LPP: variants seen among roughly 807,000 people sequenced by gnomAD.
LPP encodes lipoma-preferred partner.
LPP carries 38 observed loss-of-function variants against 60.4 expected under a neutral mutation model. The ratio of observed to expected loss-of-function variants is 0.63; its 90% CI spans 0.49 to 0.83. The LOEUF (loss-of-function observed/expected upper bound fraction) is 0.83. LPP is among the 40% of genes least tolerant of loss of function. The pLI is 0.00. For synonymous variants in LPP, 328 were observed against 290.8 expected (o/e 1.13, Z -1.30); for missense variants, 902 against 783.6 (o/e 1.15, Z -1.80).
chr3:188,218,461 C>G (rs1471689216), intron 1 of LPP, among the ~76,000 whole-genome samples: 1 of 152,126 alleles, frequency 6.6e-6, no homozygotes, highest in Non-Finnish European at 1.5e-5. Flanking sequence ...CAGCCTAAGC[C>G]CAGAGATGCT....
chr3:188,401,419 C>T (rs1043121466), intron 3 of LPP, among the ~76,000 whole-genome samples: 5 of 152,156 alleles, frequency 3.3e-5, no homozygotes, highest in African/African-American at 9.7e-5. Flanking sequence ...CCTGGTTACT[C>T]CAGTTTTCTT....
intron 3 of LPP, among the ~76,000 whole-genome samples, chr3:188,384,330 A>ATGTGTGTGTG (rs61561622): frequency 0.045 from 6,646 of 148,804 alleles, 237 homozygotes; most frequent in African/African-American, 0.1. Context: ...ATGTATGTGC[A>ATGTGTGTGTG]TGTGTGTGTG....
chr3:188,545,166 A>G (rs1042206765), intron 6 of LPP, among the ~76,000 whole-genome samples: 2 of 125,162 alleles, frequency 1.6e-5, no homozygotes, highest in African/African-American at 3.1e-5. Flanking sequence ...ATGACACGTT[A>G]GTGGGTGCAG....
intron 1 of LPP, among the ~76,000 whole-genome samples, chr3:188,224,667 A>G (rs1717068623): frequency 6.6e-6 from 1 of 152,126 alleles, no homozygotes; most frequent in African/African-American, 2.4e-5. Flanking sequence ...TCATGGCTGA[A>G]GGCAAAGGAG....
intron 7 of LPP, among the ~76,000 whole-genome samples, chr3:188,700,364 G>A (rs1020096746): frequency 1.3e-5 from 2 of 152,116 alleles, no homozygotes; most frequent in Non-Finnish European, 2.9e-5. Context: ...GGAACTCAGG[G>A]GGCTGACATT....
At chr3:188,251,061 CTCTG>C (rs1324710687) in intron 2 of LPP, among the ~76,000 whole-genome samples, 7 of 130,118 alleles carry the variant, frequency 5.4e-5, no homozygotes, top group Admixed American at 1.6e-4. Context: ...CTTTCTCTCT[CTCTG>C]TCTTTTTCTT....
intron 9 of LPP, among the ~76,000 whole-genome samples, chr3:188,855,187 T>C (rs1049181032): frequency 3.9e-5 from 6 of 152,228 alleles, no homozygotes; most frequent in African/African-American, 1.4e-4. Flanking sequence ...CTATTTTTTC[T>C]TTAAAAGATA....
intron 4 of LPP, among the ~76,000 whole-genome samples, chr3:188,446,130 A>G (rs553808569): frequency 1.3e-5 from 2 of 152,308 alleles, no homozygotes; most frequent in African/African-American, 4.8e-5. Flanking sequence ...CTTGTCCACA[A>G]TGCTTGGTTG....
chr3:188,581,117 A>T (rs747190090), intron 6 of LPP, among the ~76,000 whole-genome samples: 7 of 152,098 alleles, frequency 4.6e-5, no homozygotes, highest in Non-Finnish European at 8.8e-5. Flanking sequence ...TTAACACACA[A>T]ATGGACCATC....
chr3:188,723,947 G>A (rs766544901), intron 8 of LPP, among the ~76,000 whole-genome samples: 26 of 152,074 alleles, frequency 1.7e-4, no homozygotes, highest in African/African-American at 5.8e-4. Flanking sequence ...AAAGAAAAAT[G>A]AGAAGAGGAG....
chr3:188,483,985 A>G (rs758162963), intron 4 of LPP, among the ~76,000 whole-genome samples: 5 of 152,224 alleles, frequency 3.3e-5, no homozygotes, highest in Non-Finnish European at 7.4e-5. Context: ...ACTCACTGGC[A>G]TTATTTTACA....
At chr3:188,503,333 C>T (rs1450120803) in intron 5 of LPP, among the ~76,000 whole-genome samples, 3 of 152,086 alleles carry the variant, frequency 2.0e-5, no homozygotes, top group Non-Finnish European at 4.4e-5. Context: ...TTAATACACT[C>T]ATTTCTTAAA....
At chr3:188,523,639 G>A (rs1399101638) in intron 5 of LPP, among the ~76,000 whole-genome samples, 1 of 152,078 alleles carries the variant, frequency 6.6e-6, no homozygotes, top group Non-Finnish European at 1.5e-5. Context: ...GTTGGTTAAT[G>A]CTTTTTCTAA....
chr3:188,567,440 C>T (rs1275301452), intron 6 of LPP, among the ~76,000 whole-genome samples: 3 of 151,654 alleles, frequency 2.0e-5, no homozygotes, highest in African/African-American at 7.3e-5. Flanking sequence ...GGTAAGAAAC[C>T]ATTGTAACAC....
chr3:188,289,344 A>T (rs7643415), intron 2 of LPP, among the ~76,000 whole-genome samples: 11,492 of 152,250 alleles, frequency 0.075, 932 homozygotes, highest in African/African-American at 0.2. Flanking sequence ...TGGTTTTGAC[A>T]GAATATTCTA....
chr3:188,716,786 C>T (rs1040721207), intron 8 of LPP, among the ~76,000 whole-genome samples: 1 of 152,130 alleles, frequency 6.6e-6, no homozygotes, highest in Non-Finnish European at 1.5e-5. Flanking sequence ...GATAGGTACT[C>T]AAGCAACTGA....
chr3:188,304,213 C>A (rs994871351), intron 2 of LPP, among the ~76,000 whole-genome samples: 5 of 152,078 alleles, frequency 3.3e-5, no homozygotes, highest in African/African-American at 4.8e-5. Context: ...ATTTAAATGG[C>A]GTAATAGAAA....
intron 7 of LPP, among the ~76,000 whole-genome samples, chr3:188,636,757 C>A (rs547454906): frequency 5.9e-5 from 9 of 152,054 alleles, no homozygotes; most frequent in South Asian, 2.1e-4. Flanking sequence ...ACCCCTGACC[C>A]CCGAGCAGCC....
chr3:188,485,529 G>A (rs55749653), intron 5 of LPP, among the ~76,000 whole-genome samples: 2,337 of 152,178 alleles, frequency 0.015, 62 homozygotes, highest in African/African-American at 0.053. Flanking sequence ...CGGGCGCGGT[G>A]GCTCACGCCT....
Sources: gnomAD v4.1 joint callset for allele counts (sites outside exome capture counted in the v4.1 genomes callset) on GRCh38, gnomAD v4.1.1 for gene constraint, MANE v1.5 for transcripts, NCBI Gene and HGNC (gene_info 2026-07-23, HGNC 2026-07-21) for gene names.